ABHD6: variants seen among roughly 807,000 people sequenced by gnomAD.
ABHD6 encodes abhydrolase domain containing 6, acylglycerol lipase.
In ABHD6, 33 loss-of-function variants were observed where a neutral mutation model predicts 38.8. The observed-to-expected ratio is 0.85, with a 90% confidence interval of 0.64 to 1.14. The LOEUF (loss-of-function observed/expected upper bound fraction) is 1.14, where lower values mean the gene tolerates loss of function less well. ABHD6 is among the 50% of genes most tolerant of loss of function. The pLI is 0.00. For synonymous variants in ABHD6, 147 were observed against 161.6 expected (o/e 0.91, Z 0.69); for missense variants, 380 against 422.6 (o/e 0.90, Z 0.88).
intron 1 of ABHD6, among the ~76,000 whole-genome samples, chr3:58,243,165 AGT>A (rs1204366875): frequency 5.9e-5 from 9 of 152,224 alleles, no homozygotes; most frequent in Admixed American, 5.2e-4. Context: ...TATTGTGAAT[AGT>A]GCTGCAATAA....
chr3:58,251,302 G>C lies in ABHD6; in HGVS notation c.-26+1360G>C, dbSNP rs1575515270. ...ACTACACTCCAGCCTGGCTGACAGA[G>C]CGAGACTCCATCTAAAAAAAAAAAA... On this transcript the variant is annotated intron_variant, in intron 2 of 9. Transcript: ENST00000478253. The surrounding 1 kb of genome is among the most constrained non-coding windows in gnomAD (Gnocchi z 5.4). 7.0e-6 allele frequency among the ~76,000 whole-genome samples: 1 copy of C among 143,588 alleles called. No individual in the cohort carries two copies. The highest frequency in any genetic ancestry group is 1.5e-5 in the Non-Finnish European group (1 of 66,860). The allele number at this position is 143,588 out of a possible 152,430, so 94.2% of individuals were successfully genotyped here.
chr3:58,262,175 T>A (rs1002275407), intron 3 of ABHD6, among the ~76,000 whole-genome samples: 1 of 152,156 alleles, frequency 6.6e-6, no homozygotes, highest in Non-Finnish European at 1.5e-5. Context: ...GCTAGGGGAC[T>A]GGGGGAAATG....
chr3:58,271,007 G>T lies in ABHD6; in HGVS notation c.466G>T (p.Val156Leu), dbSNP rs2097444455. ...CTCCATGGGTGGCCAGGTGGCTGGGGTGTATGCTGCTTACTACCCATCGGA... is the reference window on the plus strand; with the variant it reads ...CTCCATGGGTGGCCAGGTGGCTGGGTTGTATGCTGCTTACTACCCATCGGA... ...GTSMGGQVAG[V>L]YAAYYPSDVS... The change falls in exon 6 of 10, where the codon GTG becomes TTG. Residue 156 changes from valine (V) to leucine (L), a missense_variant. By Grantham distance (32) the Val-to-Leu change is conservative. Coordinates refer to ENST00000478253, the MANE Select transcript of ABHD6 (RefSeq NM_001320126.2). 3.7e-6 allele frequency: 6 copies of T among 1,612,978 alleles called. No individual in the cohort carries two copies. The highest frequency in any genetic ancestry group is 1.3e-5 in the African/African-American group (1 of 74,946).
chr3:58,244,512 C>A (rs1180781614), intron 1 of ABHD6, among the ~76,000 whole-genome samples: 1 of 152,120 alleles, frequency 6.6e-6, no homozygotes, highest in African/African-American at 2.4e-5. Context: ...CTCGTGCCTG[C>A]CCACCACTTT....
chr3:58,256,773 T>C lies in ABHD6; in HGVS notation c.119+68T>C. On this transcript the variant is annotated intron_variant, in intron 3 of 9. Transcript: ENST00000478253. This position sits in a 1 kb window ranked among gnomAD's most constrained non-coding sequence, Gnocchi z 4.3. ...ATTGACATCTTCTCTGCTTGTCCTT[T>C]TTGTGGTTATTGTCCAACATTTTAT... 1.6e-6 allele frequency: 2 copies of C among 1,256,030 alleles called. No individual in the cohort carries two copies. The highest frequency in any genetic ancestry group is 2.3e-6 in the Non-Finnish European group (2 of 874,024). 77.8% of individuals were successfully genotyped at this position (1,256,030 alleles called of 1,614,324 possible). A position where few individuals can be genotyped will look rare whatever the true frequency, so the allele number is the denominator to read the frequency against.
chr3:58,267,934 A>T lies in ABHD6; in HGVS notation c.276+589A>T, dbSNP rs954816649. 6.6e-6 allele frequency among the ~76,000 whole-genome samples: 1 copy of T among 152,086 alleles called. No individual in the cohort carries two copies. The highest frequency in any genetic ancestry group is 2.4e-5 in the African/African-American group (1 of 41,414). ...GTCTCTACAAAAAAATTAGCCAGGC[A>T]TGGTGGCATGCACCTGTAGTCCCAG... is the stretch of plus-strand genomic sequence containing the variant. On this transcript the variant is annotated intron_variant, in intron 4 of 9. Transcript: ENST00000478253. This position sits in a 1 kb window ranked among gnomAD's most constrained non-coding sequence, Gnocchi z 4.3.
chr3:58,253,125 AACTG>A (rs1260407864), intron 2 of ABHD6, among the ~76,000 whole-genome samples: 2 of 151,922 alleles, frequency 1.3e-5, no homozygotes, highest in African/African-American at 4.8e-5. Flanking sequence ...CCTTCGCTGA[AACTG>A]ACTGGCATTG....
chr3:58,274,009 T>C (rs1213438873), intron 6 of ABHD6, among the ~76,000 whole-genome samples: 2 of 152,202 alleles, frequency 1.3e-5, no homozygotes, highest in Non-Finnish European at 2.9e-5. Context: ...TGGACTCTCG[T>C]GTCGTGCCCT....
intron 7 of ABHD6, among the ~76,000 whole-genome samples, chr3:58,279,804 G>C (rs2097451605): frequency 6.6e-6 from 1 of 152,188 alleles, no homozygotes; most frequent in Non-Finnish European, 1.5e-5. Flanking sequence ...GAATCTCTCA[G>C]CGTTTGCTTG....
chr3:58,276,778 A>T (rs1369449257), intron 7 of ABHD6, among the ~76,000 whole-genome samples: 1 of 152,084 alleles, frequency 6.6e-6, no homozygotes, highest in African/African-American at 2.4e-5. Context: ...ATCCATCTTG[A>T]ATTAATTTTT....
Position 58,251,798 on chromosome 3 carries a change from G to T in ABHD6, c.-26+1856G>T, listed in dbSNP as rs1243184543. Among the ~76,000 whole-genome samples the T allele has an allele frequency of 6.6e-6, 1 of 152,118 alleles. No individual in the cohort carries two copies. Among genetic ancestry groups the T allele is most frequent in the Non-Finnish European group, 1.5e-5 (1 of 68,036 alleles). On this transcript the variant is annotated intron_variant, in intron 2 of 9. Transcript: ENST00000478253. The surrounding 1 kb of genome is among the most constrained non-coding windows in gnomAD (Gnocchi z 5.4). ...GGTGCCTCACTTTACACGATAAATA[G>T]ATAAAATGAAGTGTTTTTCTTTTTC...
intron 1 of ABHD6, among the ~76,000 whole-genome samples, chr3:58,247,898 T>C (rs1037802372): frequency 2.0e-5 from 3 of 152,238 alleles, no homozygotes; most frequent in African/African-American, 7.2e-5. Context: ...TCGTTAAATA[T>C]GCACATAGTA....
At chr3:58,239,406 C>T (rs913290990) in intron 1 of ABHD6, among the ~76,000 whole-genome samples, 15 of 152,142 alleles carry the variant, frequency 9.9e-5, no homozygotes, top group African/African-American at 3.6e-4. Context: ...TAGTTGACCA[C>T]TACCTTGAAT....
At chr3:58,286,836 G>C (rs1340545388) in intron 9 of ABHD6, among the ~76,000 whole-genome samples, 1 of 38,666 alleles carries the variant, frequency 2.6e-5, no homozygotes, top group Non-Finnish European at 4.6e-5. Flanking sequence ...GTGTGTGTGT[G>C]TGTGTGTGTG....
intron 1 of ABHD6, among the ~76,000 whole-genome samples, chr3:58,240,873 G>A (rs1575509874): frequency 6.6e-6 from 1 of 152,060 alleles, no homozygotes; most frequent in East Asian, 1.9e-4. Flanking sequence ...TGGGATTACA[G>A]GCATGCACAA....
In ABHD6 at chr3:58,267,416, G is replaced by A; in HGVS notation, c.276+71G>A. The stretch of plus-strand genomic sequence containing the variant: ...GCTGTGGCTCATGCCTATAATCCCA[G>A]CACTTTGGGAGCCTGAGGCAGGAGG... On this transcript the variant is annotated intron_variant, in intron 4 of 9. Coordinates refer to ENST00000478253, the MANE Select transcript of ABHD6 (RefSeq NM_001320126.2). The surrounding 1 kb of genome is among the most constrained non-coding windows in gnomAD (Gnocchi z 4.3). 1 of 1,576,382 alleles carries A rather than the reference G, an allele frequency of 6.3e-7. No homozygotes were observed.
Position 58,287,565 on chromosome 3 carries a change from G to A in ABHD6, c.837+2112G>A, listed in dbSNP as rs988473833. ...GATCTCATGTGCTCTCTTCTGCAGC[G>A]CCAAGGGACTGAAAGAAGCTTTGTT... On this transcript the variant is annotated intron_variant, in intron 9 of 9. Transcript: ENST00000478253. The surrounding 1 kb of genome is among the most constrained non-coding windows in gnomAD (Gnocchi z 4.7). 3.3e-5 allele frequency among the ~76,000 whole-genome samples: 5 copies of A among 152,218 alleles called. No individual in the cohort carries two copies. Among genetic ancestry groups the A allele is most frequent in the African/African-American group, 9.7e-5 (4 of 41,450 alleles).
At chr3:58,281,618 C>T (rs1177432336) in intron 7 of ABHD6, among the ~76,000 whole-genome samples, 1 of 152,216 alleles carries the variant, frequency 6.6e-6, no homozygotes, top group Non-Finnish European at 1.5e-5. Context: ...CCAACCAGTC[C>T]CAGTGAGATG....
At chr3:58,264,963 C>T (rs1394358182) in intron 3 of ABHD6, among the ~76,000 whole-genome samples, 1 of 151,872 alleles carries the variant, frequency 6.6e-6, no homozygotes, top group African/African-American at 2.4e-5. Flanking sequence ...CTATAGTCAC[C>T]GTATTGTGCT....
Sources: allele counts gnomAD v4.1 joint callset (sites outside exome capture counted in the v4.1 genomes callset), GRCh38; gene constraint gnomAD v4.1.1; non-coding constraint Gnocchi (gnomAD v3.1); transcripts MANE v1.5; gene names NCBI Gene and HGNC (gene_info 2026-07-23, HGNC 2026-07-21).